The following MARCHF10 variants were observed in gnomAD, a reference collection of about 807,000 sequenced individuals.
MARCHF10 encodes membrane associated ring-CH-type finger 10, also known as probable E3 ubiquitin-protein ligase MARCHF10.
MARCHF10 carries 64 observed loss-of-function variants against 76.2 expected under a neutral mutation model. The ratio of observed to expected loss-of-function variants is 0.84; its 90% CI spans 0.69 to 1.03. MARCHF10 has a LOEUF of 1.03. Among genes scored for constraint, MARCHF10 ranks in the 50% least tolerant of loss-of-function variants. The pLI, the probability that MARCHF10 is intolerant of heterozygous loss-of-function variation, is 0.00. For synonymous variants in MARCHF10, 340 were observed against 357.5 expected (o/e 0.95, Z 0.55); for missense variants, 875 against 958.0 (o/e 0.91, Z 1.14).
intron 8 of MARCHF10, among the ~76,000 whole-genome samples, chr17:62,716,146 C>T (rs984006999): frequency 4.6e-5 from 7 of 152,230 alleles, no homozygotes; most frequent in Non-Finnish European, 7.3e-5. Context: ...GTTCCCGCAG[C>T]GGCCTGCATG....
intron 4 of MARCHF10, among the ~76,000 whole-genome samples, chr17:62,747,355 T>A (rs1290761084): frequency 2.6e-5 from 4 of 152,252 alleles, no homozygotes; most frequent in Non-Finnish European, 1.5e-5. Flanking sequence ...ATCAGATCTC[T>A]TAAATGATTG....
chr17:62,755,605 C>T (rs937438501), intron 4 of MARCHF10, among the ~76,000 whole-genome samples: 6 of 152,186 alleles, frequency 3.9e-5, no homozygotes, highest in Admixed American at 3.9e-4. Context: ...CCTACACCAG[C>T]GTTCATGATG....
At chr17:62,755,769 CAG>C (rs1568165935) in intron 4 of MARCHF10, among the ~76,000 whole-genome samples, 1 of 152,158 alleles carries the variant, frequency 6.6e-6, no homozygotes, top group Non-Finnish European at 1.5e-5. Context: ...CTTTGAAACT[CAG>C]AGTGTTGTAA....
intron 3 of MARCHF10, among the ~76,000 whole-genome samples, chr17:62,776,573 T>C (rs2092558592): frequency 6.6e-6 from 1 of 152,224 alleles, no homozygotes; most frequent in Non-Finnish European, 1.5e-5. Context: ...AGCTAGTACT[T>C]GTTTGCTGCA....
chr17:62,772,523 T>A (rs1178099247), intron 3 of MARCHF10, among the ~76,000 whole-genome samples: 3 of 152,154 alleles, frequency 2.0e-5, no homozygotes, highest in African/African-American at 7.2e-5. Context: ...GCTTGAGGTG[T>A]CTTTTGAAAT....
intron 4 of MARCHF10, among the ~76,000 whole-genome samples, chr17:62,755,234 C>A (rs565566504): frequency 8.5e-5 from 13 of 152,354 alleles, no homozygotes; most frequent in Admixed American, 2.6e-4. Flanking sequence ...TGGCACACAG[C>A]TCAGGGGACC....
intron 3 of MARCHF10, among the ~76,000 whole-genome samples, chr17:62,772,386 CCT>C (rs2092465447): frequency 6.6e-6 from 1 of 152,162 alleles, no homozygotes; most frequent in Non-Finnish European, 1.5e-5. Flanking sequence ...GTCCATTAAA[CCT>C]CTTTTTCTTT....
intron 2 of MARCHF10, among the ~76,000 whole-genome samples, chr17:62,789,862 A>G (rs2092813370): frequency 6.6e-6 from 1 of 152,152 alleles, no homozygotes; most frequent in Non-Finnish European, 1.5e-5. Flanking sequence ...TGAACCTGGG[A>G]GGCAGAGGTT....
chr17:62,750,636 A>G (rs912759224), intron 4 of MARCHF10: 1 of 152,468 alleles, frequency 6.6e-6, no homozygotes, highest in African/African-American at 2.4e-5. Context: ...ATTGTTCTCC[A>G]ATGTCATAGG....
chr17:62,714,601 GAAA>G (rs1293528801), intron 8 of MARCHF10, among the ~76,000 whole-genome samples: 1 of 152,062 alleles, frequency 6.6e-6, no homozygotes, highest in Non-Finnish European at 1.5e-5. Context: ...GAAGCAATGA[GAAA>G]AAAATGCATA....
chr17:62,760,144 T>C (rs2092159390), intron 3 of MARCHF10, 138 bp from the exon 4 acceptor site: 1 of 669,530 alleles, frequency 1.5e-6, no homozygotes, highest in South Asian at 1.9e-5. Flanking sequence ...AACACGCCCG[T>C]TCACCAGAGA....
intron 9 of MARCHF10, chr17:62,706,436 A>G (rs2089597611): frequency 6.6e-6 from 1 of 151,934 alleles, no homozygotes; most frequent in Admixed American, 6.6e-5. Context: ...TATCTATCTC[A>G]TCAACTCTTG....
At position 62,705,562 on chromosome 17, in the gene MARCHF10, T is replaced by C; in HGVS notation, c.2348A>G (p.Gln783Arg). ...ACTTTCATTTTCCTCTGTTCTGGGT[T>C]GTGGGTAATTTCTTGACAACTACAA... ...ERERLSRNYP[Q>R]PRTEENENSE... Residue 783 changes from glutamine to arginine, a missense_variant, in exon 10 of 11, where the codon CAA becomes CGA. Coordinates refer to ENST00000311269, the MANE Select transcript of MARCHF10 (RefSeq NM_152598.4). 6.2e-7 allele frequency: 1 copy of C among 1,614,040 alleles called. No individual in the cohort carries two copies. Among genetic ancestry groups the C allele is most frequent in the Non-Finnish European group, 8.5e-7 (1 of 1,179,986 alleles).
At chr17:62,722,310 C>T (rs1216732705) in intron 8 of MARCHF10, among the ~76,000 whole-genome samples, 178 bp downstream of exon 8, 1 of 145,858 alleles carries the variant, frequency 6.9e-6, no homozygotes, top group African/African-American at 2.5e-5. Flanking sequence ...GGCTTTTCAA[C>T]TCTCTAATAC....
chr17:62,747,001 C>T (rs2091729045), intron 4 of MARCHF10: 1 of 1,518,342 alleles, frequency 6.6e-7, no homozygotes, highest in South Asian at 1.2e-5. Flanking sequence ...CCCTTACTTT[C>T]AGCGTTTTTA....
At chr17:62,730,224 AAAAAAC>A (rs938127309) in intron 6 of MARCHF10, among the ~76,000 whole-genome samples, 18 of 152,148 alleles carry the variant, frequency 1.2e-4, no homozygotes, top group African/African-American at 4.1e-4. Flanking sequence ...ACAAAACCCC[AAAAAAC>A]AAAAACAAAA....
In MARCHF10 at chr17:62,788,618, A is replaced by G; in HGVS notation, c.91-19T>C. 6.2e-7 allele frequency: 1 copy of G among 1,613,676 alleles called. No individual in the cohort carries two copies. The highest frequency in any genetic ancestry group is 8.5e-7 in the Non-Finnish European group (1 of 1,179,938). Reference sequence around the variant, plus strand: ...GACAAGCCTGAAGAACAACAACAATAAAATGTTTGTCTTAGGACCATGGCA... The same window carrying G: ...GACAAGCCTGAAGAACAACAACAATGAAATGTTTGTCTTAGGACCATGGCA... On this transcript the variant is annotated intron_variant, in intron 2 of 10. Coordinates refer to ENST00000311269, the MANE Select transcript of MARCHF10 (RefSeq NM_152598.4).
At chr17:62,805,855 T>C (rs1478791855) in intron 1 of MARCHF10, among the ~76,000 whole-genome samples, 1 of 151,654 alleles carries the variant, frequency 6.6e-6, no homozygotes, top group Non-Finnish European at 1.5e-5. Context: ...GAGGTTGCAG[T>C]GAGCCAAGAT....
At chr17:62,716,240 G>A (rs1405983944) in intron 8 of MARCHF10, among the ~76,000 whole-genome samples, 2 of 152,250 alleles carry the variant, frequency 1.3e-5, no homozygotes, top group African/African-American at 4.8e-5. Context: ...TCTTGGGTAC[G>A]GCAGCATTTT....
Sources: gnomAD v4.1 joint callset for allele counts (sites outside exome capture counted in the v4.1 genomes callset) on GRCh38, gnomAD v4.1.1 for gene constraint, MANE v1.5 for transcripts, NCBI Gene and HGNC (gene_info 2026-07-23, HGNC 2026-07-21) for gene names.